The following SPIB variants were observed in gnomAD, a reference collection of about 807,000 sequenced individuals.
SPIB encodes the protein Spi-B transcription factor.
In SPIB, 7 loss-of-function variants were observed where a neutral mutation model predicts 31.9. That is an observed-to-expected ratio of 0.22 (90% CI 0.12 to 0.41). The LOEUF is 0.41. Ranked by LOEUF, SPIB falls within the 10% of genes least tolerant of loss-of-function variation. SPIB has a pLI of 1.00. For missense variants in SPIB, 327 were observed against 360.2 expected, an observed-to-expected ratio of 0.91 and a Z score of 0.75; for synonymous variants, 176 against 158.9, an observed-to-expected ratio of 1.11 and a Z score of -0.81.
intron 4 of SPIB, chr19:50,423,331 G>C (rs143825743): frequency 3.9e-6 from 2 of 516,812 alleles, no homozygotes; most frequent in Middle Eastern, 4.9e-4. Context: ...CCCAGGTTAC[G>C]TTCCGTTGTT....
intron 4 of SPIB, chr19:50,423,242 A>G: frequency 2.2e-6 from 1 of 453,298 alleles, no homozygotes; most frequent in Non-Finnish European, 3.9e-6. Context: ...AAGAAAACTC[A>G]AGCTCAGTCA....
chr19:50,419,762 C>A (rs1158254683), intron 1 of SPIB, 184 bp from the exon 2 acceptor site: 6 of 508,200 alleles, frequency 1.2e-5, no homozygotes, highest in Non-Finnish European at 2.0e-5. Context: ...TGCCTCCCCC[C>A]CACCCCCCAC....
intron 5 of SPIB, among the ~76,000 whole-genome samples, chr19:50,424,484 TA>T (rs2039541591): frequency 6.6e-6 from 1 of 151,674 alleles, no homozygotes; most frequent in Non-Finnish European, 1.5e-5. Flanking sequence ...CCGTCTCTAC[TA>T]AAAACACAAA....
intron 1 of SPIB, among the ~76,000 whole-genome samples, chr19:50,419,539 G>A (rs1201624187): frequency 1.3e-5 from 2 of 152,066 alleles, no homozygotes; most frequent in African/African-American, 2.4e-5. Flanking sequence ...CTCCTCATCT[G>A]AGTCTTCTCC....
At position 50,423,678 on chromosome 19, in the gene SPIB, G is replaced by A; in HGVS notation, c.413G>A (p.Ser138Asn). The change falls in exon 5 of 6, where the codon AGC (serine) becomes AAC (asparagine). Residue 138 changes from serine (S) to asparagine (N), a missense_variant. Ser to Asn is a conservative substitution (Grantham distance 46, BLOSUM62 1). Around this residue, in one of 4 missense-constraint regions of SPIB, gnomAD observed 238 missense variants for 228.8 expected, o/e 1.04. Coordinates refer to ENST00000595883, the MANE Select transcript of SPIB (RefSeq NM_003121.5). ...LSEEEDLPLD[S>N]PALEVSDSES... ...GAGGAGGAAGACTTACCGTTGGACA[G>A]CCCTGCCCTGGAGGTCTCGGACAGC... The A allele has an allele frequency of 6.2e-7, 1 of 1,613,934 alleles. No individual in the cohort carries two copies.
At chr19:50,425,019 T>C (rs1306352880) in intron 5 of SPIB, among the ~76,000 whole-genome samples, 2 of 152,042 alleles carry the variant, frequency 1.3e-5, no homozygotes, top group Non-Finnish European at 2.9e-5. Context: ...AATTAATTTA[T>C]TTTTTGAGAC....
chr19:50,419,985 C>A lies in SPIB; in HGVS notation c.51+12C>A, dbSNP rs770272384. ...ACTTCAGCTGTCTGGTGAGTTGGGGCCCCTGGGGGCCAGGGAGGGGTGGCC... is the reference window on the plus strand; with the variant it reads ...ACTTCAGCTGTCTGGTGAGTTGGGGACCCTGGGGGCCAGGGAGGGGTGGCC... On this transcript the variant is annotated intron_variant, in intron 2 of 5. Transcript: ENST00000595883. 4.8e-6 allele frequency: 7 copies of A among 1,467,176 alleles called. No individual in the cohort carries two copies. Among genetic ancestry groups the A allele is most frequent in the Non-Finnish European group, 5.4e-6 (6 of 1,113,608 alleles). 90.9% of individuals were successfully genotyped at this position (1,467,176 alleles called of 1,614,324 possible).
chr19:50,426,813 T>G (rs964780965), intron 5 of SPIB, among the ~76,000 whole-genome samples: 7 of 151,942 alleles, frequency 4.6e-5, no homozygotes, highest in African/African-American at 1.4e-4. Flanking sequence ...ATACTTTCGA[T>G]GAATGCCGAG....
chr19:50,421,616 C>T (rs190645154), intron 2 of SPIB, among the ~76,000 whole-genome samples: 105 of 149,490 alleles, frequency 7.0e-4, no homozygotes, highest in Non-Finnish European at 1.2e-3. Context: ...CCACCATGCC[C>T]GGCCTATTTA....
chr19:50,424,071 C>A (rs1200138494), intron 5 of SPIB, among the ~76,000 whole-genome samples: 1 of 152,138 alleles, frequency 6.6e-6, no homozygotes, highest in East Asian at 1.9e-4. Context: ...ACCTCTTCAC[C>A]ATCATTCCCG....
intron 5 of SPIB, among the ~76,000 whole-genome samples, chr19:50,426,431 A>C (rs1251138975): frequency 6.6e-6 from 1 of 152,144 alleles, no homozygotes; most frequent in Non-Finnish European, 1.5e-5. Flanking sequence ...GGGGAGGGAG[A>C]TGTAGAACTG....
intron 1 of SPIB, among the ~76,000 whole-genome samples, chr19:50,419,495 C>T (rs893701384): frequency 6.6e-6 from 1 of 152,132 alleles, no homozygotes; most frequent in African/African-American, 2.4e-5. Flanking sequence ...TGTCCCTTTG[C>T]ACACCTTTCT....
Position 50,422,537 on chromosome 19 carries a change from G to A in SPIB, c.116G>A (p.Gly39Glu), listed in dbSNP as rs779622966. The change falls in exon 3 of 6, where the codon GGG becomes GAG. Residue 39 changes from glycine to glutamate, a missense_variant. By Grantham distance (98) the Gly-to-Glu change is moderately conservative. Around this residue, in one of 4 missense-constraint regions of SPIB, gnomAD observed 238 missense variants for 228.8 expected, o/e 1.04. Transcript: ENST00000595883. ...CKHSSYPDSEGAPDSLWDWTV... is the reference protein window; with the variant it reads ...CKHSSYPDSEEAPDSLWDWTV... ...CATTCCAGCTACCCTGATTCAGAGG[G>A]GGCTCCTGGTGAGTGACCCCAGCCC... 5.6e-6 allele frequency: 9 copies of A among 1,613,896 alleles called. No homozygotes were observed. The Admixed American group carries it at 1.5e-4, about 27-fold the overall frequency.
rs116692704 is a variant in SPIB at position 50,422,582 on chromosome 19, G to C, written c.124+37G>C. On this transcript the variant is annotated intron_variant, in intron 3 of 5. Transcript: ENST00000595883. ...CAGCCCTGTGCCCTTCCTGCCTTGG[G>C]GCCCATTTCACAGATAGGGGAGCTG... The C allele has an allele frequency of 1.7e-3, 2,721 of 1,606,114 alleles. 48 individuals are homozygous for C. The African/African-American group carries it at 0.032, about 19-fold the overall frequency.
chr19:50,420,005 G>A (rs1254245312), intron 2 of SPIB, 32 bp downstream of exon 2: 12 of 1,435,176 alleles, frequency 8.4e-6, no homozygotes, highest in Non-Finnish European at 1.1e-5. Flanking sequence ...CCAGGGAGGG[G>A]TGGCCCACAG....
intron 1 of SPIB, among the ~76,000 whole-genome samples, chr19:50,419,275 C>A (rs139027495): frequency 6.6e-6 from 1 of 152,332 alleles, no homozygotes; most frequent in Non-Finnish European, 1.5e-5. Flanking sequence ...GTCCATCCTC[C>A]TGTCTCCCCG....
At chr19:50,425,205 C>T (rs1337835877) in intron 5 of SPIB, among the ~76,000 whole-genome samples, 1 of 151,600 alleles carries the variant, frequency 6.6e-6, no homozygotes, top group African/African-American at 2.4e-5. Context: ...GGGGTTTCAC[C>T]ATCTGGCCAG....
At chr19:50,424,214 C>T (rs2122550138) in intron 5 of SPIB, among the ~76,000 whole-genome samples, 1 of 152,274 alleles carries the variant, frequency 6.6e-6, no homozygotes, top group Non-Finnish European at 1.5e-5. Context: ...TGTGTCTGGG[C>T]CTCGGTTTCT....
At chr19:50,425,550 C>T (rs948781807) in intron 5 of SPIB, among the ~76,000 whole-genome samples, 1 of 152,244 alleles carries the variant, frequency 6.6e-6, no homozygotes, top group East Asian at 1.9e-4. Context: ...AATCGATCCT[C>T]CTGCCTCAGC....
Sources: allele counts gnomAD v4.1 joint callset (sites outside exome capture counted in the v4.1 genomes callset), GRCh38; gene constraint gnomAD v4.1.1; regional missense constraint gnomAD v4.1.1; transcripts MANE v1.5; gene names NCBI Gene and HGNC (gene_info 2026-07-23, HGNC 2026-07-21).